The following KCNIP4 variants were observed in gnomAD, a reference collection of about 807,000 sequenced individuals.
The protein encoded by KCNIP4 is potassium voltage-gated channel interacting protein 4.
A neutral mutation model predicts 34.0 loss-of-function variants in KCNIP4; 12 were observed. That is an observed-to-expected ratio of 0.35 (90% CI 0.23 to 0.57). The LOEUF is 0.57. Ranked by LOEUF, KCNIP4 falls within the 20% of genes least tolerant of loss-of-function variation. KCNIP4 has a pLI of 0.83. For missense variants in KCNIP4, 238 were observed against 311.7 expected (o/e 0.76, Z 1.78); for synonymous variants, 124 against 102.2 (o/e 1.21, Z -1.29).
intron 1 of KCNIP4, among the ~76,000 whole-genome samples, chr4:21,760,444 GTTCATGT>G (rs1229231270): frequency 4.5e-5 from 1 of 22,166 alleles, no homozygotes; most frequent in Non-Finnish European, 1.1e-4. Context: ...TTAGATACAT[GTTCATGT>G]TTTTATTAAA....
chr4:21,178,307 C>G (rs1167578864), intron 1 of KCNIP4, among the ~76,000 whole-genome samples: 6 of 152,146 alleles, frequency 3.9e-5, no homozygotes, highest in African/African-American at 1.2e-4. Context: ...ATCTATTTCT[C>G]CAGTTAGAAA....
At chr4:20,974,288 A>T (rs1458403731) in intron 1 of KCNIP4, among the ~76,000 whole-genome samples, 1 of 152,218 alleles carries the variant, frequency 6.6e-6, no homozygotes, top group South Asian at 2.1e-4. Flanking sequence ...GAGAAAATGA[A>T]TGAACACAAA....
At chr4:20,849,424 A>C (rs1720763548) in intron 3 of KCNIP4, among the ~76,000 whole-genome samples, 1 of 152,164 alleles carries the variant, frequency 6.6e-6, no homozygotes. Flanking sequence ...ACCCTATAAA[A>C]ATATTCTGCA....
chr4:21,092,331 C>T (rs563320567), intron 1 of KCNIP4, among the ~76,000 whole-genome samples: 2 of 151,740 alleles, frequency 1.3e-5, no homozygotes, highest in South Asian at 2.1e-4. Flanking sequence ...AATTAAAGAA[C>T]GAATGTCTCT....
At chr4:20,835,290 A>C (rs993642224) in intron 3 of KCNIP4, among the ~76,000 whole-genome samples, 1 of 151,998 alleles carries the variant, frequency 6.6e-6, no homozygotes, top group African/African-American at 2.4e-5. Flanking sequence ...GTCCCTCCTG[A>C]CCAGGACTAA....
intron 1 of KCNIP4, among the ~76,000 whole-genome samples, chr4:21,362,643 A>T (rs1294273377): frequency 6.6e-6 from 1 of 152,290 alleles, no homozygotes; most frequent in African/African-American, 2.4e-5. Context: ...AAACACGTTC[A>T]GTCTTTGTCC....
chr4:20,929,508 T>C (rs1730227190), intron 1 of KCNIP4, among the ~76,000 whole-genome samples: 1 of 152,020 alleles, frequency 6.6e-6, no homozygotes, highest in Non-Finnish European at 1.5e-5. Context: ...CTACTTCTAT[T>C]CCACATAATA....
chr4:21,351,049 C>A (rs1717957583), intron 1 of KCNIP4, among the ~76,000 whole-genome samples: 1 of 151,998 alleles, frequency 6.6e-6, no homozygotes, highest in South Asian at 2.1e-4. Context: ...TATAATTTAT[C>A]ATACAAATTT....
chr4:21,438,888 C>T (rs749176145), intron 1 of KCNIP4, among the ~76,000 whole-genome samples: 6 of 152,090 alleles, frequency 3.9e-5, no homozygotes, highest in Non-Finnish European at 5.9e-5. Flanking sequence ...AAGGACGGGG[C>T]GTGGTGGCTC....
intron 1 of KCNIP4, among the ~76,000 whole-genome samples, chr4:20,962,142 T>C (rs1429148750): frequency 6.6e-6 from 1 of 152,200 alleles, no homozygotes; most frequent in African/African-American, 2.4e-5. Context: ...CTCCTCTTTG[T>C]CCTTCTGGGA....
intron 2 of KCNIP4, among the ~76,000 whole-genome samples, chr4:20,863,951 T>C (rs1057484033): frequency 6.0e-5 from 9 of 150,886 alleles, no homozygotes; most frequent in Non-Finnish European, 8.9e-5. Context: ...TGTATATATA[T>C]ACACACACAC....
At chr4:21,238,225 T>C (rs2109041767) in intron 1 of KCNIP4, among the ~76,000 whole-genome samples, 1 of 152,282 alleles carries the variant, frequency 6.6e-6, no homozygotes, top group South Asian at 2.1e-4. Context: ...TGATGGGATG[T>C]ATCTCAAAAT....
intron 1 of KCNIP4, among the ~76,000 whole-genome samples, chr4:21,940,938 G>A (rs945932482): frequency 1.2e-4 from 19 of 152,046 alleles, no homozygotes; most frequent in Non-Finnish European, 2.8e-4. Context: ...GTACAACCCT[G>A]TATCTTTGCC....
intron 1 of KCNIP4, chr4:21,848,575 G>GGCCTAAT (rs1275335904): frequency 1.3e-5 from 2 of 152,002 alleles, no homozygotes; most frequent in Admixed American, 1.3e-4. Flanking sequence ...TATCCATAAA[G>GGCCTAAT]GCCTAATTCT....
At chr4:21,383,728 T>C (rs2109485596) in intron 1 of KCNIP4, among the ~76,000 whole-genome samples, 1 of 152,270 alleles carries the variant, frequency 6.6e-6, no homozygotes, top group Non-Finnish European at 1.5e-5. Flanking sequence ...TCATTGGTTT[T>C]CCTGCTTCCA....
At chr4:21,568,456 G>T (rs1409698939) in intron 1 of KCNIP4, among the ~76,000 whole-genome samples, 1 of 152,132 alleles carries the variant, frequency 6.6e-6, no homozygotes, top group South Asian at 2.1e-4. Context: ...ATCTGTAAGG[G>T]TGTTGCCAGA....
At chr4:21,025,555 T>TTTG (rs1333921458) in intron 1 of KCNIP4, among the ~76,000 whole-genome samples, 2 of 117,898 alleles carry the variant, frequency 1.7e-5, no homozygotes, top group East Asian at 4.5e-4. Flanking sequence ...TTTTTTTTTT[T>TTTG]TTTTTTTTTT....
Position 21,107,824 on chromosome 4 carries a change from G to T in KCNIP4, c.62-225115C>A, listed in dbSNP as rs1351645245. On this transcript the variant is annotated intron_variant, in intron 1 of 8. Transcript: ENST00000382152. ...TGACAAAATCTCTCAGCATTTGCTT[G>T]TCTGTAAAGTATTTTATTTCTCCTT... 2.6e-5 allele frequency among the ~76,000 whole-genome samples: 4 copies of T among 151,256 alleles called. No individual in the cohort carries two copies. The South Asian group carries it at 8.3e-4, about 31-fold the overall frequency.
At chr4:21,469,238 C>T (rs1412625011) in intron 1 of KCNIP4, among the ~76,000 whole-genome samples, 1 of 151,878 alleles carries the variant, frequency 6.6e-6, no homozygotes, top group African/African-American at 2.4e-5. Flanking sequence ...CTATTTTCTT[C>T]CCCCACCATA....
Sources: gnomAD v4.1 joint callset for allele counts (sites outside exome capture counted in the v4.1 genomes callset) on GRCh38, gnomAD v4.1.1 for gene constraint, MANE v1.5 for transcripts, NCBI Gene and HGNC (gene_info 2026-07-23, HGNC 2026-07-21) for gene names.